The following KRCC1 variants were observed in gnomAD, a reference collection of about 807,000 sequenced individuals.
The protein encoded by KRCC1 is lysine rich coiled-coil 1.
KRCC1 carries 3 observed loss-of-function variants against 7.4 expected under a neutral mutation model. The ratio of observed to expected loss-of-function variants is 0.40; its 90% CI spans 0.18 to 1.04. The LOEUF (loss-of-function observed/expected upper bound fraction) is 1.04, where lower values mean the gene tolerates loss of function less well. Among genes scored for constraint, KRCC1 ranks in the 50% least tolerant of loss-of-function variants. The probability of loss-of-function intolerance (pLI) is 0.33; values close to 1 mark genes in which losing one functional copy is unlikely to be tolerated. For synonymous variants in KRCC1, 102 were observed against 101.6 expected (o/e 1.00, Z -0.02); for missense variants, 277 against 300.9 (o/e 0.92, Z 0.59).
intron 1 of KRCC1, among the ~76,000 whole-genome samples, chr2:88,051,658 T>C (rs1314412384): frequency 2.0e-5 from 3 of 152,344 alleles, no homozygotes; most frequent in Non-Finnish European, 4.4e-5. Flanking sequence ...AACAATTATA[T>C]TGTTTTTGAA....
intron 3 of KRCC1, among the ~76,000 whole-genome samples, chr2:88,030,998 A>G (rs372559082): frequency 5.9e-5 from 9 of 152,246 alleles, no homozygotes; most frequent in East Asian, 3.8e-4. Context: ...ATAAAAGTAT[A>G]GCATACACTA....
At chr2:88,051,371 A>G (rs1160473360) in intron 1 of KRCC1, among the ~76,000 whole-genome samples, 1 of 151,406 alleles carries the variant, frequency 6.6e-6, no homozygotes, top group Non-Finnish European at 1.5e-5. Context: ...TTTGAAAGTC[A>G]GAGTAGAATT....
At chr2:88,038,253 G>A (rs1226124743) in intron 1 of KRCC1, among the ~76,000 whole-genome samples, 1 of 152,262 alleles carries the variant, frequency 6.6e-6, no homozygotes, top group African/African-American at 2.4e-5. Context: ...CTGGAGAAGA[G>A]GGAAAAAGAC....
chr2:88,050,223 C>A (rs567954283), intron 1 of KRCC1, among the ~76,000 whole-genome samples: 1 of 152,130 alleles, frequency 6.6e-6, no homozygotes, highest in Non-Finnish European at 1.5e-5. Context: ...TGGAAACAAA[C>A]GAAAATATTT....
Position 88,028,497 on chromosome 2 carries a change from T to C in KRCC1, c.67A>G (p.Lys23Glu). ...GTCTTTGGCTCTAAGCCTCTGGCTT[T>C]CTGTACTTTAATATAATCTTCAAGT... is the stretch of plus-strand genomic sequence containing the variant. The part of the protein sequence containing the change: ...DELEDYIKVQ[K>E]ARGLEPKTCF... Residue 23 changes from lysine to glutamate, a missense_variant, in exon 4 of 4, where the codon AAA becomes GAA. Coordinates refer to ENST00000347055, the MANE Select transcript of KRCC1 (RefSeq NM_016618.3). 6 of 1,613,550 alleles carry C rather than the reference T, an allele frequency of 3.7e-6. No homozygotes were observed. The highest frequency in any genetic ancestry group is 5.1e-6 in the Non-Finnish European group (6 of 1,179,554).
chr2:88,054,724 T>C (rs1673573756), intron 1 of KRCC1, among the ~76,000 whole-genome samples: 2 of 152,228 alleles, frequency 1.3e-5, no homozygotes, highest in Non-Finnish European at 2.9e-5. Context: ...GAGCTCAGTC[T>C]TTCCCCTCTG....
At chr2:88,038,499 T>A (rs11691470) in intron 1 of KRCC1, among the ~76,000 whole-genome samples, 5,769 of 152,316 alleles carry the variant, frequency 0.038, 153 homozygotes, top group Middle Eastern at 0.068. Context: ...TGTGAGGTGA[T>A]CTTGTGAATC....
chr2:88,029,460 CTACTTT>C (rs145278872), intron 3 of KRCC1, among the ~76,000 whole-genome samples: 2,656 of 152,230 alleles, frequency 0.017, 30 homozygotes, highest in South Asian at 0.047. Flanking sequence ...AAGATGAAAA[CTACTTT>C]TAGGTATCAG....
At chr2:88,053,254 A>G (rs892676064) in intron 1 of KRCC1, among the ~76,000 whole-genome samples, 58 of 152,314 alleles carry the variant, frequency 3.8e-4, no homozygotes, top group African/African-American at 1.2e-3. Context: ...ACTAGAACCT[A>G]TAACTAGTCA....
intron 1 of KRCC1, among the ~76,000 whole-genome samples, chr2:88,050,202 G>A (rs1285902619): frequency 3.9e-5 from 6 of 152,120 alleles, no homozygotes; most frequent in Non-Finnish European, 8.8e-5. Flanking sequence ...TTGAGTCTCC[G>A]CTTAATATCA....
chr2:88,034,059 A>G (rs1201523414), intron 3 of KRCC1, 75 bp downstream of exon 3: 1 of 152,662 alleles, frequency 6.6e-6, no homozygotes, highest in South Asian at 2.1e-4. Context: ...ACATTATGCT[A>G]TGTGAAAGAA....
intron 2 of KRCC1, among the ~76,000 whole-genome samples, chr2:88,036,163 T>C (rs1398469578): frequency 2.0e-5 from 3 of 152,216 alleles, no homozygotes; most frequent in Admixed American, 6.5e-5. Context: ...TTTAAGTAAA[T>C]GTATCTACTA....
intron 1 of KRCC1, among the ~76,000 whole-genome samples, chr2:88,042,058 CTTT>C (rs5832712): frequency 0.025 from 2,777 of 111,296 alleles, 178 homozygotes; most frequent in East Asian, 0.15. Flanking sequence ...AGACCATTAT[CTTT>C]TTTTTTTTTT....
intron 3 of KRCC1, among the ~76,000 whole-genome samples, chr2:88,032,403 A>G (rs1047012666): frequency 2.6e-5 from 4 of 152,088 alleles, no homozygotes; most frequent in African/African-American, 9.7e-5. Flanking sequence ...TTGTGTTACA[A>G]CTGTCTACAG....
chr2:88,038,887 T>G lies in KRCC1; in HGVS notation c.-290-1836A>C, dbSNP rs75585222. On this transcript the variant is annotated intron_variant, in intron 1 of 3. Transcript: ENST00000347055. The stretch of plus-strand genomic sequence containing the variant: ...TGGTCTCTCCTTGACATGTGGAGAT[T>G]ATGGGGATTACAATTCATTATGAGA... Among the ~76,000 whole-genome samples, 24 of 152,248 alleles carry G rather than the reference T, an allele frequency of 1.6e-4. No homozygotes were observed. In the East Asian group the frequency reaches 3.9e-3, roughly 24 times the overall value.
At chr2:88,042,355 C>T (rs778077196) in intron 1 of KRCC1, among the ~76,000 whole-genome samples, 4 of 152,120 alleles carry the variant, frequency 2.6e-5, no homozygotes, top group Admixed American at 6.6e-5. Flanking sequence ...CCACTGCACC[C>T]GGCCTAGACC....
At chr2:88,045,585 T>C (rs929083359) in intron 1 of KRCC1, among the ~76,000 whole-genome samples, 4 of 151,994 alleles carry the variant, frequency 2.6e-5, no homozygotes, top group African/African-American at 9.7e-5. Flanking sequence ...GAATGGATTG[T>C]AAAGGGGCAT....
At chr2:88,035,249 T>C (rs542047335) in intron 2 of KRCC1, among the ~76,000 whole-genome samples, 1 of 152,352 alleles carries the variant, frequency 6.6e-6, no homozygotes, top group South Asian at 2.1e-4. Context: ...CATTTTTTTC[T>C]TCTTCCTTAG....
chr2:88,039,026 T>C (rs1275187220), intron 1 of KRCC1, among the ~76,000 whole-genome samples: 1 of 152,108 alleles, frequency 6.6e-6, no homozygotes, highest in Non-Finnish European at 1.5e-5. Context: ...TTGAAATAAT[T>C]AGTAAACCTG....
Sources: gnomAD v4.1 joint callset for allele counts (sites outside exome capture counted in the v4.1 genomes callset) on GRCh38, gnomAD v4.1.1 for gene constraint, MANE v1.5 for transcripts, NCBI Gene and HGNC (gene_info 2026-07-23, HGNC 2026-07-21) for gene names.